The following MYOZ3 variants were observed in gnomAD, a reference collection of about 807,000 sequenced individuals.
MYOZ3 encodes the protein myozenin 3.
In MYOZ3, 19 loss-of-function variants were observed where a neutral mutation model predicts 26.5. That is an observed-to-expected ratio of 0.72 (90% CI 0.50 to 1.05). MYOZ3 has a LOEUF of 1.05. Ranked by LOEUF, MYOZ3 falls within the 50% of genes least tolerant of loss-of-function variation. MYOZ3 has a pLI of 0.00. For missense variants in MYOZ3, 322 were observed against 337.1 expected (o/e 0.96, Z 0.35); for synonymous variants, 135 against 138.8 (o/e 0.97, Z 0.19).
At position 150,676,700 on chromosome 5, in the gene MYOZ3, T is replaced by C; in HGVS notation, c.588-7T>C. On this transcript the variant is annotated splice_region_variant and splice_polypyrimidine_tract_variant and intron_variant, in intron 6 of 6. Coordinates refer to ENST00000517768, the MANE Select transcript of MYOZ3 (RefSeq NM_001122853.3). The stretch of plus-strand genomic sequence containing the variant: ...AGCCCACCTCTCCTGCTGCTCTCTT[T>C]CTCCAGGACCCCGGTGCCATTTGGA... 2 of 1,613,028 alleles carry C rather than the reference T, an allele frequency of 1.2e-6. No individual in the cohort carries two copies. Among genetic ancestry groups the C allele is most frequent in the African/African-American group, 1.3e-5 (1 of 75,010 alleles).
rs139515301 is a variant in MYOZ3 at position 150,672,748 on chromosome 5, G to A, written c.587+246G>A. 9.0e-5 allele frequency: 44 copies of A among 486,252 alleles called. No homozygotes were observed. In the Middle Eastern group the frequency reaches 3.7e-3, roughly 41 times the overall value. The allele number at this position is 486,252 out of a possible 1,614,324, so 30.1% of individuals were successfully genotyped here. ...GATATTCTCCAGGACATGGTGGGCGGGTGCTATGAGTTTTCCTGTTCTGCA... is the reference window on the plus strand; with the variant it reads ...GATATTCTCCAGGACATGGTGGGCGAGTGCTATGAGTTTTCCTGTTCTGCA... On this transcript the variant is annotated intron_variant, in intron 6 of 6. Coordinates refer to ENST00000517768, the MANE Select transcript of MYOZ3 (RefSeq NM_001122853.3).
Position 150,671,835 on chromosome 5 carries a change from CG to C in MYOZ3, c.356del (p.Gly119ValfsTer29). 1 of 1,609,630 alleles carries C rather than the reference CG, an allele frequency of 6.2e-7. No individual in the cohort carries two copies. ...IFPASPGASL[G>X]GPEGAHPAAA... The stretch of plus-strand genomic sequence containing the variant: ...TCCCGGCCTCACCCGGGGCCTCACT[CG>C]GGGGTCCCGAGGGCGCCCACCCTGC... On this transcript the variant is annotated frameshift_variant, in exon 5 of 7. Coordinates refer to ENST00000517768, the MANE Select transcript of MYOZ3 (RefSeq NM_001122853.3). LOFTEE classifies it high-confidence loss of function.
chr5:150,668,249 C>G (rs1056184708), intron 2 of MYOZ3, among the ~76,000 whole-genome samples: 1 of 152,240 alleles, frequency 6.6e-6, no homozygotes, highest in Non-Finnish European at 1.5e-5. Context: ...TAGGCTTTCA[C>G]ACCCAAACAC....
intron 3 of MYOZ3, among the ~76,000 whole-genome samples, chr5:150,671,192 A>G (rs1461441582): frequency 6.6e-6 from 1 of 152,138 alleles, no homozygotes; most frequent in Non-Finnish European, 1.5e-5. Flanking sequence ...ACTGAGAGGG[A>G]GTGATGTGGC....
chr5:150,671,155 C>T (rs993843094), intron 3 of MYOZ3, among the ~76,000 whole-genome samples: 1 of 152,202 alleles, frequency 6.6e-6, no homozygotes, highest in African/African-American at 2.4e-5. Flanking sequence ...CCACCCTCCA[C>T]TTAATTTCTG....
chr5:150,670,360 C>CCGGTGT (rs753878412), intron 2 of MYOZ3, 124 bp from the exon 3 acceptor site: 1 of 1,102,312 alleles, frequency 9.1e-7, no homozygotes, highest in Non-Finnish European at 1.2e-6. Flanking sequence ...ATCATGACAC[C>CCGGTGT]CGGTGTCGGC....
chr5:150,667,534 C>G (rs893406853), intron 2 of MYOZ3, among the ~76,000 whole-genome samples: 1 of 152,206 alleles, frequency 6.6e-6, no homozygotes, highest in Non-Finnish European at 1.5e-5. Flanking sequence ...TCCTGTCACT[C>G]CTGCTCAAGG....
At chr5:150,665,706 G>A (rs1758797576) in intron 2 of MYOZ3, among the ~76,000 whole-genome samples, 1 of 151,596 alleles carries the variant, frequency 6.6e-6, no homozygotes, top group Admixed American at 6.6e-5. Context: ...TGGGATTATA[G>A]TTGTGAGCCA....
intron 3 of MYOZ3, 65 bp from the exon 4 acceptor site, chr5:150,671,525 TGGTGGAG>T: frequency 2.0e-6 from 3 of 1,513,262 alleles, no homozygotes; most frequent in African/African-American, 1.4e-5. Context: ...CCTTTTTTTT[TGGTGGAG>T]GGAGAACCCT....
chr5:150,671,422 TTTCTC>T, intron 3 of MYOZ3, 170 bp from the exon 4 acceptor site: 1 of 651,628 alleles, frequency 1.5e-6, no homozygotes, highest in South Asian at 2.0e-5. Flanking sequence ...ATATCGAGTA[TTTCTC>T]GGTCCCAGGC....
intron 1 of MYOZ3, among the ~76,000 whole-genome samples, chr5:150,661,858 C>T (rs1311475486): frequency 6.6e-6 from 1 of 152,224 alleles, no homozygotes; most frequent in Non-Finnish European, 1.5e-5. Flanking sequence ...TGCATGTAGA[C>T]ACACTCATGT....
At chr5:150,663,493 G>A (rs1025121692) in intron 2 of MYOZ3, among the ~76,000 whole-genome samples, 7 of 152,154 alleles carry the variant, frequency 4.6e-5, no homozygotes, top group Admixed American at 4.6e-4. Flanking sequence ...TCGAGAGAGT[G>A]GAGCAGGGTG....
chr5:150,663,985 T>A, intron 2 of MYOZ3, among the ~76,000 whole-genome samples: 1 of 147,518 alleles, frequency 6.8e-6, no homozygotes, highest in African/African-American at 2.5e-5. Flanking sequence ...AGAGGGAGAC[T>A]CTGTCTCTAA....
At chr5:150,668,489 G>T (rs563495290) in intron 2 of MYOZ3, among the ~76,000 whole-genome samples, 1 of 152,074 alleles carries the variant, frequency 6.6e-6, no homozygotes, top group Non-Finnish European at 1.5e-5. Flanking sequence ...CCTCCTCACC[G>T]CCTCACTGTA....
chr5:150,678,757 A>G lies in MYOZ3; in HGVS notation c.*1882A>G, dbSNP rs1759057846. The G allele has an allele frequency of 6.6e-6, 1 of 152,298 alleles. No homozygotes were observed. Among genetic ancestry groups the G allele is most frequent in the African/African-American group, 2.4e-5 (1 of 41,464 alleles). 9.4% of individuals were successfully genotyped at this position (152,298 alleles called of 1,614,324 possible). ...GAACACAGTGCAGGGCACATTTATA[A>G]TAAGAGCTCAGTCAATGGTAGGTTT... On this transcript the variant is annotated 3_prime_UTR_variant, in exon 7 of 7. Coordinates refer to ENST00000517768, the MANE Select transcript of MYOZ3 (RefSeq NM_001122853.3).
chr5:150,668,885 A>T (rs551182203), intron 2 of MYOZ3, among the ~76,000 whole-genome samples: 8 of 152,370 alleles, frequency 5.3e-5, no homozygotes, highest in African/African-American at 1.9e-4. Flanking sequence ...AACGTTCTTC[A>T]TTGAAAAACA....
At position 150,676,900 on chromosome 5, in the gene MYOZ3, C is replaced by T. The variant is rs1759019680; in HGVS notation, c.*25C>T. On this transcript the variant is annotated 3_prime_UTR_variant, in exon 7 of 7. Transcript: ENST00000517768. ...GCCCTAGCCTGAATCTTCAGTTCCC[C>T]AGTCTCGGGGGCCTGGTAACATCCG... is the stretch of plus-strand genomic sequence containing the variant. The T allele has an allele frequency of 6.3e-7, 1 of 1,588,984 alleles. No homozygotes were observed. Among genetic ancestry groups the T allele is most frequent in the African/African-American group, 1.3e-5 (1 of 74,412 alleles).
chr5:150,672,203 T>G, intron 5 of MYOZ3, 137 bp from the exon 6 acceptor site: 2 of 1,326,306 alleles, frequency 1.5e-6, no homozygotes, highest in Non-Finnish European at 2.1e-6. Flanking sequence ...CAACTGTGGC[T>G]TCCCATTCCC....
In MYOZ3 at chr5:150,673,674, T is replaced by C. The variant is rs1467166076; in HGVS notation, c.587+1172T>C. Among the ~76,000 whole-genome samples the C allele has an allele frequency of 3.9e-5, 6 of 152,042 alleles. No individual in the cohort carries two copies. The East Asian group carries it at 1.2e-3, about 29-fold the overall frequency. ...TATTATTTACAGCTGAGATGAAGTT[T>C]GGACAGGGGAGAGCTTGAAAGGGAT... is the stretch of plus-strand genomic sequence containing the variant. On this transcript the variant is annotated intron_variant, in intron 6 of 6. Coordinates refer to ENST00000517768, the MANE Select transcript of MYOZ3 (RefSeq NM_001122853.3).
Sources: allele counts gnomAD v4.1 joint callset (sites outside exome capture counted in the v4.1 genomes callset), GRCh38; gene constraint gnomAD v4.1.1; transcripts MANE v1.5; gene names NCBI Gene and HGNC (gene_info 2026-07-23, HGNC 2026-07-21).